The following USH2A variants were observed in gnomAD, a reference collection of about 807,000 sequenced individuals.
USH2A encodes the protein usherin, also known as Usher syndrome 2A (autosomal recessive, mild).
USH2A carries 443 observed loss-of-function variants against 538.9 expected under a neutral mutation model. The ratio of observed to expected loss-of-function variants is 0.82; its 90% CI spans 0.76 to 0.89. USH2A has a LOEUF of 0.89. USH2A is among the 40% of genes least tolerant of loss of function. The pLI, the probability that USH2A is intolerant of heterozygous loss-of-function variation, is 0.00. For missense variants in USH2A, 6,633 were observed against 6,324.8 expected, an observed-to-expected ratio of 1.05 and a Z score of -1.65; for synonymous variants, 2,413 against 2,273.5, an observed-to-expected ratio of 1.06 and a Z score of -1.75.
Position 215,764,404 on chromosome 1 carries a change from C to T in USH2A, c.11047+2277G>A, listed in dbSNP as rs568790100. On this transcript the variant is annotated intron_variant, in intron 56 of 71. Coordinates refer to ENST00000307340, the MANE Select transcript of USH2A (RefSeq NM_206933.4). ...GATTTATCTCTAAAATGAATTAGAA[C>T]TCACATGGATGGCAGTAATTGTAGA... is the stretch of plus-strand genomic sequence containing the variant. Among the ~76,000 whole-genome samples, 4 of 152,250 alleles carry T rather than the reference C, an allele frequency of 2.6e-5. No homozygotes were observed. The South Asian group carries it at 6.2e-4, about 24-fold the overall frequency.
chr1:216,310,655 T>C (rs1317863152), intron 9 of USH2A, among the ~76,000 whole-genome samples: 1 of 152,182 alleles, frequency 6.6e-6, no homozygotes, highest in Non-Finnish European at 1.5e-5. Context: ...GTTCGGTAAA[T>C]TTATTTCTCA....
intron 40 of USH2A, among the ~76,000 whole-genome samples, chr1:215,894,705 G>C (rs1188953816): frequency 2.0e-5 from 3 of 152,020 alleles, no homozygotes; most frequent in Non-Finnish European, 4.4e-5. Flanking sequence ...CTCTGACCAA[G>C]GTAAAAAAAT....
intron 4 of USH2A, among the ~76,000 whole-genome samples, chr1:216,342,744 A>C: frequency 6.6e-6 from 1 of 152,036 alleles, no homozygotes; most frequent in East Asian, 1.9e-4. Flanking sequence ...GAAACAGAAA[A>C]CCAAACACCA....
intron 31 of USH2A, among the ~76,000 whole-genome samples, chr1:216,047,790 T>C (rs1469475311): frequency 6.6e-6 from 1 of 152,292 alleles, no homozygotes; most frequent in South Asian, 2.1e-4. Context: ...GTATAAGATA[T>C]GTACAATTCC....
At chr1:216,119,591 T>A (rs1426034997) in intron 21 of USH2A, among the ~76,000 whole-genome samples, 2 of 152,144 alleles carry the variant, frequency 1.3e-5, no homozygotes, top group Non-Finnish European at 2.9e-5. Flanking sequence ...AGATGATGTA[T>A]TTTAATTAAA....
intron 61 of USH2A, among the ~76,000 whole-genome samples, chr1:215,712,291 A>G (rs949691913): frequency 1.3e-5 from 2 of 152,238 alleles, no homozygotes; most frequent in African/African-American, 4.8e-5. Flanking sequence ...GGATGATAGC[A>G]TAGGTCCTGG....
intron 21 of USH2A, among the ~76,000 whole-genome samples, chr1:216,165,970 T>C (rs2034159500): frequency 1.3e-5 from 2 of 152,130 alleles, no homozygotes; most frequent in African/African-American, 4.8e-5. Flanking sequence ...CATCCCACAC[T>C]TTCCCCTGAG....
At position 216,217,638 on chromosome 1, in the gene USH2A, G is replaced by C. The variant is rs994107346; in HGVS notation, c.2994-88C>G. The C allele has an allele frequency of 7.4e-6, 11 of 1,492,246 alleles. No individual in the cohort carries two copies. The African/African-American group carries it at 1.5e-4, about 21-fold the overall frequency. The allele number at this position is 1,492,246 out of a possible 1,614,324, so 92.4% of individuals were successfully genotyped here. ...AGTTACACCTACCAATAGCATTGTAGAGTAAGACGGCTTGTTTTAGCCAAT... is the reference window on the plus strand; with the variant it reads ...AGTTACACCTACCAATAGCATTGTACAGTAAGACGGCTTGTTTTAGCCAAT... On this transcript the variant is annotated intron_variant, in intron 14 of 71. Transcript: ENST00000307340.
At chr1:216,392,058 G>A (rs780559654) in intron 3 of USH2A, among the ~76,000 whole-genome samples, 1 of 152,116 alleles carries the variant, frequency 6.6e-6, no homozygotes, top group Non-Finnish European at 1.5e-5. Context: ...AGACCTAAAT[G>A]GGTAGATTGA....
At position 215,676,048 on chromosome 1, in the gene USH2A, T is replaced by G. The variant is rs1307304794; in HGVS notation, c.12295-432A>C. 2.0e-5 allele frequency among the ~76,000 whole-genome samples: 3 copies of G among 152,148 alleles called. No individual in the cohort carries two copies. In the South Asian group the frequency reaches 6.2e-4, roughly 31 times the overall value. On this transcript the variant is annotated intron_variant, in intron 62 of 71. Transcript: ENST00000307340. Reference sequence around the variant, plus strand: ...ACCTTCCACGGCATTTGCTGGGAAATGGAATTACAACGCTTAATCATTTGT... The same window carrying G: ...ACCTTCCACGGCATTTGCTGGGAAAGGGAATTACAACGCTTAATCATTTGT...
chr1:216,201,977 G>A (rs186329050), intron 16 of USH2A, among the ~76,000 whole-genome samples: 4 of 152,304 alleles, frequency 2.6e-5, no homozygotes, highest in African/African-American at 9.6e-5. Flanking sequence ...ACTTTCTAGA[G>A]AGCGTGCAGC....
Position 215,892,688 on chromosome 1 carries a change from G to C in USH2A, c.7595-3634C>G, listed in dbSNP as rs188132195. ...ATTATTAATCTTGTGATAATAAAGA[G>C]GGTACAACAGTTATTTCTCAAAACA... On this transcript the variant is annotated intron_variant, in intron 40 of 71. Coordinates refer to ENST00000307340, the MANE Select transcript of USH2A (RefSeq NM_206933.4). Among the ~76,000 whole-genome samples, 238 of 152,256 alleles carry C rather than the reference G, an allele frequency of 1.6e-3. 1 individual carries two copies. Among genetic ancestry groups the C allele is most frequent in the Non-Finnish European group, 2.4e-3 (165 of 68,006 alleles).
chr1:215,924,121 T>A (rs1367996218), intron 38 of USH2A, among the ~76,000 whole-genome samples: 2 of 152,080 alleles, frequency 1.3e-5, no homozygotes, highest in Non-Finnish European at 2.9e-5. Flanking sequence ...TTGAAAATGG[T>A]CATCAAAGTG....
intron 34 of USH2A, among the ~76,000 whole-genome samples, chr1:215,994,843 C>T (rs528011758): frequency 1.2e-3 from 183 of 151,998 alleles, no homozygotes; most frequent in Non-Finnish European, 2.3e-3. Context: ...TTCAAATGTG[C>T]TAAAAGTCCA....
intron 30 of USH2A, among the ~76,000 whole-genome samples, chr1:216,053,867 G>A (rs1039595579): frequency 2.6e-5 from 4 of 152,156 alleles, no homozygotes; most frequent in African/African-American, 9.7e-5. Context: ...AGTGGGTGCA[G>A]AAAGCCCAAG....
chr1:216,149,081 G>A (rs2033774314), intron 21 of USH2A, among the ~76,000 whole-genome samples: 1 of 151,968 alleles, frequency 6.6e-6, no homozygotes, highest in Admixed American at 6.6e-5. Context: ...TCCTTCCTAG[G>A]CATGGTTAGC....
At chr1:216,217,891 G>A (rs1015914003) in intron 14 of USH2A, among the ~76,000 whole-genome samples, 2 of 151,946 alleles carry the variant, frequency 1.3e-5, no homozygotes, top group African/African-American at 2.4e-5. Context: ...TGTAAATTTT[G>A]CTTTTACAAA....
intron 13 of USH2A, among the ~76,000 whole-genome samples, chr1:216,242,189 T>TA (rs11435772): frequency 0.95 from 139,315 of 146,538 alleles, 66,236 homozygotes; most frequent in East Asian, 0.99. Flanking sequence ...ATCTCTGCTT[T>TA]AAAAAAAAAA....
At chr1:216,407,035 C>T (rs1046698316) in intron 3 of USH2A, among the ~76,000 whole-genome samples, 34 of 152,142 alleles carry the variant, frequency 2.2e-4, no homozygotes, top group African/African-American at 7.7e-4. Flanking sequence ...TTGAATTTTG[C>T]CCCAAATCCC....
Sources: allele counts gnomAD v4.1 joint callset (sites outside exome capture counted in the v4.1 genomes callset), GRCh38; gene constraint gnomAD v4.1.1; transcripts MANE v1.5; gene names NCBI Gene and HGNC (gene_info 2026-07-23, HGNC 2026-07-21).